The following PRKN variants were observed in gnomAD, a reference collection of about 807,000 sequenced individuals.
The protein encoded by PRKN is parkin RBR E3 ubiquitin protein ligase.
A neutral mutation model predicts 59.5 loss-of-function variants in PRKN; 56 were observed. The ratio of observed to expected loss-of-function variants is 0.94; its 90% CI spans 0.76 to 1.18. The LOEUF is 1.18. Among genes scored for constraint, PRKN ranks in the 50% most tolerant of loss-of-function variants. The pLI is 0.00. For synonymous variants in PRKN, 250 were observed against 222.1 expected, an observed-to-expected ratio of 1.13 and a Z score of -1.12; for missense variants, 657 against 596.4, an observed-to-expected ratio of 1.10 and a Z score of -1.06.
intron 4 of PRKN, among the ~76,000 whole-genome samples, chr6:162,073,523 C>T (rs1412508083): frequency 6.6e-6 from 1 of 152,182 alleles, no homozygotes; most frequent in African/African-American, 2.4e-5. Context: ...CACGATATGG[C>T]TCACTGCAGC....
chr6:162,695,544 A>G (rs1777936785), intron 1 of PRKN, among the ~76,000 whole-genome samples: 1 of 152,130 alleles, frequency 6.6e-6, no homozygotes. Flanking sequence ...TAATTTTTCT[A>G]TCAATTTCTA....
At chr6:162,647,985 G>A (rs1778261732) in intron 1 of PRKN, among the ~76,000 whole-genome samples, 1 of 115,510 alleles carries the variant, frequency 8.7e-6, no homozygotes, top group Non-Finnish European at 1.8e-5. Context: ...AAAGTCTACG[G>A]GGCAAAATTT....
chr6:162,493,352 A>C (rs1252501241), intron 1 of PRKN, among the ~76,000 whole-genome samples: 1 of 152,150 alleles, frequency 6.6e-6, no homozygotes, highest in Non-Finnish European at 1.5e-5. Flanking sequence ...GCAAAGAGGG[A>C]TATTATGGAC....
chr6:162,224,876 C>T (rs1202888744), intron 3 of PRKN, among the ~76,000 whole-genome samples: 1 of 152,160 alleles, frequency 6.6e-6, no homozygotes, highest in Non-Finnish European at 1.5e-5. Flanking sequence ...AAGCCATTTT[C>T]TGATCAAATT....
intron 2 of PRKN, among the ~76,000 whole-genome samples, chr6:162,338,828 A>G (rs1243343481): frequency 2.9e-4 from 42 of 144,466 alleles, no homozygotes; most frequent in South Asian, 6.7e-4. Flanking sequence ...CCCGGCCACC[A>G]TCACATCTAG....
intron 1 of PRKN, among the ~76,000 whole-genome samples, chr6:162,496,919 A>C (rs1793090594): frequency 6.6e-6 from 1 of 152,216 alleles, no homozygotes; most frequent in Non-Finnish European, 1.5e-5. Context: ...CCTGGTTTAC[A>C]GCAAAATCAC....
At chr6:162,510,885 T>C (rs964511035) in intron 1 of PRKN, among the ~76,000 whole-genome samples, 6 of 151,934 alleles carry the variant, frequency 3.9e-5, no homozygotes, top group African/African-American at 1.5e-4. Flanking sequence ...ATTGTGCCAC[T>C]GCACTCCACC....
intron 1 of PRKN, among the ~76,000 whole-genome samples, chr6:162,692,771 G>C (rs1047317595): frequency 6.6e-6 from 1 of 152,124 alleles, no homozygotes; most frequent in Admixed American, 6.5e-5. Flanking sequence ...ATTTGAATCT[G>C]TATCATTTTG....
intron 3 of PRKN, among the ~76,000 whole-genome samples, chr6:162,243,673 A>G (rs1463597328): frequency 1.3e-5 from 2 of 152,150 alleles, no homozygotes; most frequent in Non-Finnish European, 2.9e-5. Flanking sequence ...ATTAATATGC[A>G]TATTTTAGTG....
At chr6:162,575,737 C>A (rs1315745313) in intron 1 of PRKN, among the ~76,000 whole-genome samples, 1 of 152,180 alleles carries the variant, frequency 6.6e-6, no homozygotes, top group Non-Finnish European at 1.5e-5. Context: ...CCCAGTCACA[C>A]AGGCTATAGG....
intron 1 of PRKN, among the ~76,000 whole-genome samples, chr6:162,468,956 G>A (rs1040883025): frequency 2.0e-5 from 3 of 152,146 alleles, no homozygotes; most frequent in African/African-American, 7.2e-5. Flanking sequence ...AGGCTGGAAT[G>A]AATTCTTTAA....
chr6:161,596,645 C>T (rs1781924352), intron 7 of PRKN, among the ~76,000 whole-genome samples: 1 of 152,118 alleles, frequency 6.6e-6, no homozygotes, highest in Non-Finnish European at 1.5e-5. Flanking sequence ...CTACTAAATC[C>T]CTTCCTGGTG....
chr6:162,710,136 A>G (rs1562515942), intron 1 of PRKN, among the ~76,000 whole-genome samples: 1 of 152,074 alleles, frequency 6.6e-6, no homozygotes, highest in East Asian at 1.9e-4. Context: ...TTTACCTGAT[A>G]TAGGTCTTTG....
At chr6:161,947,899 C>A (rs1043823028) in intron 6 of PRKN, among the ~76,000 whole-genome samples, 4 of 152,078 alleles carry the variant, frequency 2.6e-5, no homozygotes, top group African/African-American at 9.7e-5. Flanking sequence ...TCTGTTATGC[C>A]ATCCTCTGAA....
rs568800439 is a variant in PRKN at position 162,362,706 on chromosome 6, C to T, written c.171+80604G>A. 1.9e-3 allele frequency among the ~76,000 whole-genome samples: 296 copies of T among 152,146 alleles called. 2 individuals are homozygous for T. Among genetic ancestry groups the T allele is most frequent in the African/African-American group, 6.7e-3 (279 of 41,506 alleles). On this transcript the variant is annotated intron_variant, in intron 2 of 11. Transcript: ENST00000366898. ...ATTCATCTTGCTCTTTCTGCTATTC[C>T]CTTCCAAAACCAACTGTGAACAAGC...
At chr6:162,318,314 T>C (rs772445065) in intron 2 of PRKN, among the ~76,000 whole-genome samples, 5 of 152,048 alleles carry the variant, frequency 3.3e-5, no homozygotes, top group Admixed American at 6.6e-5. Flanking sequence ...GTAAGCCAAA[T>C]AGATGTGAAG....
At chr6:162,018,136 C>T (rs112681497) in intron 5 of PRKN, among the ~76,000 whole-genome samples, 12,725 of 152,248 alleles carry the variant, frequency 0.084, 628 homozygotes, top group African/African-American at 0.12. Flanking sequence ...ACGCCATTCT[C>T]CTCCCTCAGC....
chr6:161,735,917 A>G (rs981703199), intron 7 of PRKN, among the ~76,000 whole-genome samples: 1 of 152,062 alleles, frequency 6.6e-6, no homozygotes, highest in African/African-American at 2.4e-5. Context: ...TCTGTCTCAG[A>G]AAAAACAAAA....
rs975367431 is a variant in PRKN at position 161,549,893 on chromosome 6, G to C, written c.934-890C>G. On this transcript the variant is annotated intron_variant, in intron 8 of 11. Transcript: ENST00000366898. This position sits in a 1 kb window ranked among gnomAD's most constrained non-coding sequence, Gnocchi z 6.0. ...CTTCTCCGCCTTCATCCACAGCACT[G>C]TAACAGTCAATACCGAGAGGTTAGA... Among the ~76,000 whole-genome samples the C allele has an allele frequency of 2.6e-5, 4 of 152,182 alleles. No homozygotes were observed. The highest frequency in any genetic ancestry group is 7.2e-5 in the African/African-American group (3 of 41,448).
Sources: gnomAD v4.1 joint callset for allele counts (sites outside exome capture counted in the v4.1 genomes callset) on GRCh38, gnomAD v4.1.1 for gene constraint, Gnocchi (gnomAD v3.1) non-coding constraint, MANE v1.5 for transcripts, NCBI Gene and HGNC (gene_info 2026-07-23, HGNC 2026-07-21) for gene names.